The following FAM149B1 variants were observed in gnomAD, a reference collection of about 807,000 sequenced individuals.
The protein encoded by FAM149B1 is primary cilium assembly protein FAM149B1.
Under a neutral mutation model 75.3 loss-of-function variants are expected in FAM149B1, and 56 were observed. That is an observed-to-expected ratio of 0.74 (90% CI 0.60 to 0.93). The LOEUF (loss-of-function observed/expected upper bound fraction) is 0.93, where lower values mean the gene tolerates loss of function less well. Among genes scored for constraint, FAM149B1 ranks in the 40% least tolerant of loss-of-function variants. The pLI, the probability that FAM149B1 is intolerant of heterozygous loss-of-function variation, is 0.00. For synonymous variants in FAM149B1, 259 were observed against 256.1 expected, an observed-to-expected ratio of 1.01 and a Z score of -0.11; for missense variants, 639 against 708.4, an observed-to-expected ratio of 0.90 and a Z score of 1.11.
In FAM149B1 at chr10:73,242,158, A is replaced by C. The variant is rs1305273120; in HGVS notation, c.*1139A>C. On this transcript the variant is annotated 3_prime_UTR_variant, in exon 14 of 14. Transcript: ENST00000242505. ...CCTGCATTAAATTATATTTTTAATA[A>C]AATTAAAATCTATTTTTAACCTATT... The C allele has an allele frequency of 6.6e-6, 1 of 152,218 alleles. No homozygotes were observed. Among genetic ancestry groups the C allele is most frequent in the Non-Finnish European group, 1.5e-5 (1 of 68,030 alleles). 9.4% of individuals were successfully genotyped at this position (152,218 alleles called of 1,614,324 possible). A position where few individuals can be genotyped will look rare whatever the true frequency, so the allele number is the denominator to read the frequency against.
At position 73,235,241 on chromosome 10, in the gene FAM149B1, C is replaced by CCTAA; in HGVS notation, c.1529_1532dup (p.Tyr511Ter). On this transcript the variant is annotated frameshift_variant, in exon 12 of 14. Transcript: ENST00000242505. LOFTEE classifies it high-confidence loss of function. ...AGCTCAAAGTGCGGTGGTGGATGAACCTAACTATCAGCAGCCACAAGAAAG... is the reference window on the plus strand; with the variant it reads ...AGCTCAAAGTGCGGTGGTGGATGAACCTAACTAACTATCAGCAGCCACAAGAAAG... The CCTAA allele has an allele frequency of 6.4e-7, 1 of 1,551,750 alleles. No homozygotes were observed. The highest frequency in any genetic ancestry group is 2.4e-5 in the East Asian group (1 of 40,930).
chr10:73,168,446 C>T (rs1843549106), intron 1 of FAM149B1, 60 bp downstream of exon 1: 4 of 1,534,872 alleles, frequency 2.6e-6, no homozygotes, highest in Non-Finnish European at 3.5e-6. Flanking sequence ...GGGGACCCTC[C>T]TTGACCAGTC....
intron 7 of FAM149B1, among the ~76,000 whole-genome samples, chr10:73,217,216 T>G (rs747252807): frequency 6.6e-6 from 1 of 152,252 alleles, no homozygotes; most frequent in Non-Finnish European, 1.5e-5. Flanking sequence ...TTTGATTCTT[T>G]TCAGCTTTGA....
Position 73,180,620 on chromosome 10 carries a change from A to G in FAM149B1, c.282+2645A>G, listed in dbSNP as rs139459149. Among the ~76,000 whole-genome samples the G allele has an allele frequency of 5.8e-3, 880 of 152,298 alleles. 8 individuals are homozygous for G. The highest frequency in any genetic ancestry group is 0.02 in the African/African-American group (828 of 41,548). ...ACAGGTTTTTAAAATATATTCACAT[A>G]TAGCCATCTTACTTTTGACCTTCAT... On this transcript the variant is annotated intron_variant, in intron 3 of 13. Transcript: ENST00000242505.
At chr10:73,199,137 T>G (rs2042874773) in intron 5 of FAM149B1, among the ~76,000 whole-genome samples, 1 of 152,194 alleles carries the variant, frequency 6.6e-6, no homozygotes. Flanking sequence ...ACATCTCTAT[T>G]TAAATATAAC....
chr10:73,218,001 T>C (rs2043333488), intron 7 of FAM149B1, among the ~76,000 whole-genome samples: 1 of 152,226 alleles, frequency 6.6e-6, no homozygotes, highest in Non-Finnish European at 1.5e-5. Context: ...AGATGTAATC[T>C]ATTCAGTACA....
intron 3 of FAM149B1, among the ~76,000 whole-genome samples, chr10:73,178,262 C>T (rs1034359629): frequency 3.3e-5 from 5 of 152,144 alleles, no homozygotes; most frequent in East Asian, 1.9e-4. Context: ...GAGGCCGAGG[C>T]GGGCGGATCA....
chr10:73,177,298 G>A (rs1303412778), intron 2 of FAM149B1, among the ~76,000 whole-genome samples: 1 of 152,124 alleles, frequency 6.6e-6, no homozygotes, highest in Non-Finnish European at 1.5e-5. Context: ...TATAGGCTGG[G>A]TGCGGTGGCT....
chr10:73,215,146 A>C (rs576367984), intron 7 of FAM149B1, among the ~76,000 whole-genome samples: 1 of 151,914 alleles, frequency 6.6e-6, no homozygotes, highest in Non-Finnish European at 1.5e-5. Flanking sequence ...TCAGCCTCCC[A>C]AGTAGCTGGG....
In FAM149B1 at chr10:73,243,590, G is replaced by C. The variant is rs1027433857; in HGVS notation, c.*2571G>C. 3.2e-6 allele frequency: 5 copies of C among 1,586,302 alleles called. No individual in the cohort carries two copies. The African/African-American group carries it at 6.8e-5, about 22-fold the overall frequency. On this transcript the variant is annotated 3_prime_UTR_variant, in exon 14 of 14. Transcript: ENST00000242505. ...ACAGAAAGTACCTAGTGGTTGCCAGGGGCTGGAAAAGTGGAATAACTACTA... is the reference window on the plus strand; with the variant it reads ...ACAGAAAGTACCTAGTGGTTGCCAGCGGCTGGAAAAGTGGAATAACTACTA...
intron 2 of FAM149B1, among the ~76,000 whole-genome samples, chr10:73,175,459 G>A (rs1280167529): frequency 2.6e-5 from 4 of 152,032 alleles, no homozygotes; most frequent in African/African-American, 4.8e-5. Context: ...CACGAGGTCA[G>A]GAGATCGAAA....
chr10:73,233,283 T>C, intron 10 of FAM149B1, 120 bp downstream of exon 10: 2 of 725,128 alleles, frequency 2.8e-6, no homozygotes, highest in Non-Finnish European at 4.6e-6. Flanking sequence ...AGTAGTCTTA[T>C]GACAGATTGC....
chr10:73,229,564 GACTCC>G (rs1222715069), intron 8 of FAM149B1, among the ~76,000 whole-genome samples: 2 of 152,184 alleles, frequency 1.3e-5, no homozygotes, highest in Non-Finnish European at 2.9e-5. Context: ...GACAGAGCAA[GACTCC>G]GTCTCAGAAA....
At chr10:73,230,728 A>G in intron 9 of FAM149B1, 1 of 486,600 alleles carries the variant, frequency 2.1e-6, no homozygotes, top group Non-Finnish European at 3.8e-6. Context: ...GGGTAAAAAA[A>G]GACCTAACCA....
Position 73,228,045 on chromosome 10 carries a change from T to C in FAM149B1, c.899-15T>C. The C allele has an allele frequency of 6.4e-7, 1 of 1,551,318 alleles. No homozygotes were observed. The highest frequency in any genetic ancestry group is 8.7e-7 in the Non-Finnish European group (1 of 1,146,542). On this transcript the variant is annotated splice_polypyrimidine_tract_variant and intron_variant, in intron 7 of 13. Coordinates refer to ENST00000242505, the MANE Select transcript of FAM149B1 (RefSeq NM_173348.2). ...AAGATTATCCATGGATAATATATCCTGTTCCTTTGCCCAGATGATGAGAGT... is the reference window on the plus strand; with the variant it reads ...AAGATTATCCATGGATAATATATCCCGTTCCTTTGCCCAGATGATGAGAGT...
At chr10:73,220,986 G>A (rs959889148) in intron 7 of FAM149B1, among the ~76,000 whole-genome samples, 56 of 152,300 alleles carry the variant, frequency 3.7e-4, no homozygotes, top group African/African-American at 1.3e-3. Flanking sequence ...CAACATGGAT[G>A]AACCTTGAAA....
At chr10:73,230,771 C>T (rs375339831) in intron 9 of FAM149B1, 9 of 386,676 alleles carry the variant, frequency 2.3e-5, no homozygotes, top group South Asian at 5.2e-5. Context: ...GTGCCATGTG[C>T]GTGCTGTCCA....
intron 7 of FAM149B1, 35 bp downstream of exon 7, chr10:73,210,473 TTGTTTA>T (rs777329205): frequency 3.0e-5 from 43 of 1,415,568 alleles, no homozygotes; most frequent in Non-Finnish European, 4.0e-5. Context: ...TAAAAATCAA[TTGTTTA>T]TGATTTCTAA....
At chr10:73,171,007 G>A (rs1843687409) in intron 1 of FAM149B1, among the ~76,000 whole-genome samples, 1 of 149,662 alleles carries the variant, frequency 6.7e-6, no homozygotes, top group Non-Finnish European at 1.5e-5. Context: ...AGTCTCTGTT[G>A]CACAGGTTGG....
Sources: allele counts gnomAD v4.1 joint callset (sites outside exome capture counted in the v4.1 genomes callset), GRCh38; gene constraint gnomAD v4.1.1; transcripts MANE v1.5; gene names NCBI Gene and HGNC (gene_info 2026-07-23, HGNC 2026-07-21).